ABCC1: variants seen among roughly 807,000 people sequenced by gnomAD.
The protein encoded by ABCC1 is multidrug resistance-associated protein 1.
ABCC1 carries 83 observed loss-of-function variants against 172.9 expected under a neutral mutation model. The observed-to-expected ratio is 0.48, with a 90% confidence interval of 0.40 to 0.58. ABCC1 has a LOEUF of 0.58. ABCC1 is among the 20% of genes least tolerant of loss of function. The pLI, the probability that ABCC1 is intolerant of heterozygous loss-of-function variation, is 0.00. For missense variants in ABCC1, 1,817 were observed against 2,002.7 expected (o/e 0.91, Z 1.77); for synonymous variants, 937 against 825.2 (o/e 1.14, Z -2.32).
At position 16,134,698 on chromosome 16, in the gene ABCC1, G is replaced by A. The variant is rs536729746; in HGVS notation, c.4125+190G>A. ...GTTGCCCAGAGTGGAGTGCGCTGGCGCAATCTCAGCTCACTGCAACCTCCG... is the reference window on the plus strand; with the variant it reads ...GTTGCCCAGAGTGGAGTGCGCTGGCACAATCTCAGCTCACTGCAACCTCCG... On this transcript the variant is annotated intron_variant, in intron 28 of 30. Coordinates refer to ENST00000399410, the MANE Select transcript of ABCC1 (RefSeq NM_004996.4). Among the ~76,000 whole-genome samples, 5 of 134,564 alleles carry A rather than the reference G, an allele frequency of 3.7e-5. No homozygotes were observed. The East Asian group carries it at 7.2e-4, about 19-fold the overall frequency. 88.3% of individuals were successfully genotyped at this position (134,564 alleles called of 152,430 possible). A position where few individuals can be genotyped will look rare whatever the true frequency, so the allele number is the denominator to read the frequency against.
At chr16:15,989,389 C>T (rs8050637) in intron 1 of ABCC1, among the ~76,000 whole-genome samples, 14,251 of 152,156 alleles carry the variant, frequency 0.094, 763 homozygotes, top group Middle Eastern at 0.16. Context: ...CCTGCTGTGT[C>T]GGGGCTGGGA....
chr16:16,143,019 C>T lies in ABCC1; in HGVS notation c.*1738C>T, dbSNP rs954336368. The T allele has an allele frequency of 7.9e-5, 12 of 151,882 alleles. No individual in the cohort carries two copies. Among genetic ancestry groups the T allele is most frequent in the South Asian group, 4.1e-4 (2 of 4,820 alleles). 9.4% of individuals were successfully genotyped at this position (151,882 alleles called of 1,614,324 possible). ...TTTGTAATGACTTACACTGGAAATG[C>T]GAACATTTGCAGTAAAAAAATATAT... On this transcript the variant is annotated 3_prime_UTR_variant, in exon 31 of 31. Transcript: ENST00000399410.
rs45484297 is a variant in ABCC1 at position 16,138,266 on chromosome 16, T to TA, written c.4293-97dup. On this transcript the variant is annotated intron_variant, in intron 29 of 30. Coordinates refer to ENST00000399410, the MANE Select transcript of ABCC1 (RefSeq NM_004996.4). ...GACATGCTTTCCTGGTCAAGCAACATAGAGTGTCTCCTTTCGCTTCTCCCA... is the reference window on the plus strand; with the variant it reads ...GACATGCTTTCCTGGTCAAGCAACATAAGAGTGTCTCCTTTCGCTTCTCCCA... 281 of 1,170,658 alleles carry TA rather than the reference T, an allele frequency of 2.4e-4. 2 individuals are homozygous for TA. In the Admixed American group the frequency reaches 6.8e-3, roughly 28 times the overall value. The allele number at this position is 1,170,658 out of a possible 1,614,324, so 72.5% of individuals were successfully genotyped here.
intron 1 of ABCC1, among the ~76,000 whole-genome samples, chr16:16,006,005 AT>A (rs202225132): frequency 0.03 from 4,524 of 149,808 alleles, 223 homozygotes; most frequent in African/African-American, 0.099. Flanking sequence ...AAAAAAAAAA[AT>A]AAAAATAAAA....
chr16:16,032,311 T>C (rs181603769), intron 5 of ABCC1, among the ~76,000 whole-genome samples: 15 of 152,338 alleles, frequency 9.8e-5, no homozygotes, highest in African/African-American at 3.1e-4. Context: ...ATAATACTTT[T>C]ATTTATCTTG....
chr16:16,038,991 A>G (rs1431482639), intron 7 of ABCC1, among the ~76,000 whole-genome samples: 1 of 152,150 alleles, frequency 6.6e-6, no homozygotes, highest in Non-Finnish European at 1.5e-5. Flanking sequence ...CACTGAGCAG[A>G]TGAAACTGAC....
At chr16:15,956,163 C>T (rs2045993050) in intron 1 of ABCC1, among the ~76,000 whole-genome samples, 2 of 152,084 alleles carry the variant, frequency 1.3e-5, no homozygotes, top group African/African-American at 4.8e-5. Context: ...CACTTGAGGT[C>T]AGGAGTTTGA....
At chr16:16,074,222 G>A (rs2050467211) in intron 14 of ABCC1, among the ~76,000 whole-genome samples, 1 of 152,064 alleles carries the variant, frequency 6.6e-6, no homozygotes, top group South Asian at 2.1e-4. Flanking sequence ...TCCCAATTTT[G>A]GCAACCAAAA....
chr16:16,118,256 C>T (rs769521153), intron 23 of ABCC1, among the ~76,000 whole-genome samples: 3 of 152,072 alleles, frequency 2.0e-5, no homozygotes, highest in South Asian at 2.1e-4. Context: ...TCTCAAACCA[C>T]GCTGCACAGC....
At chr16:16,046,448 G>A (rs982499503) in intron 9 of ABCC1, among the ~76,000 whole-genome samples, 1 of 151,990 alleles carries the variant, frequency 6.6e-6, no homozygotes, top group Non-Finnish European at 1.5e-5. Flanking sequence ...GAGTTCAAGC[G>A]ATTCTTCTGC....
At position 15,961,761 on chromosome 16, in the gene ABCC1, A is replaced by T. The variant is rs145143144; in HGVS notation, c.48+11962A>T. Among the ~76,000 whole-genome samples, 1,387 of 149,888 alleles carry T rather than the reference A, an allele frequency of 9.3e-3. 20 individuals are homozygous for T. Among genetic ancestry groups the T allele is most frequent in the African/African-American group, 0.032 (1,296 of 40,688 alleles). On this transcript the variant is annotated intron_variant, in intron 1 of 30. Transcript: ENST00000399410. ...CCATGCAAATTGAAAGTAAAAGCCA[A>T]TCAAATCAACTTTTTTTTTTTTTTT...
chr16:16,124,146 C>T (rs1251347964), intron 24 of ABCC1, among the ~76,000 whole-genome samples: 1 of 152,126 alleles, frequency 6.6e-6, no homozygotes, highest in Non-Finnish European at 1.5e-5. Context: ...GTACTAGTTA[C>T]GCACTCCCCT....
intron 29 of ABCC1, among the ~76,000 whole-genome samples, chr16:16,137,586 C>G (rs896054030): frequency 9.5e-6 from 1 of 104,760 alleles, no homozygotes; most frequent in Non-Finnish European, 1.7e-5. Context: ...GACGGAGGGT[C>G]TCACTCTATC....
intron 1 of ABCC1, among the ~76,000 whole-genome samples, chr16:15,997,835 A>G: frequency 8.0e-6 from 1 of 125,232 alleles, no homozygotes; most frequent in Admixed American, 8.9e-5. Flanking sequence ...TTTCCCTGAG[A>G]CAGAGTCTCG....
chr16:16,046,992 TC>T lies in ABCC1; in HGVS notation c.1218+980del, dbSNP rs1287663953. On this transcript the variant is annotated intron_variant, in intron 9 of 30. Coordinates refer to ENST00000399410, the MANE Select transcript of ABCC1 (RefSeq NM_004996.4). ...GGGGAATCACTGGAGGCTTGGAAGT[TC>T]AATACCAGCCTGGTCAATATAGCAA... Among the ~76,000 whole-genome samples, 54 of 152,010 alleles carry T rather than the reference TC, an allele frequency of 3.6e-4. 1 individual carries two copies. The highest frequency in any genetic ancestry group is 1.1e-3 in the Admixed American group (17 of 15,272).
Position 16,083,374 on chromosome 16 carries a change from G to C in ABCC1, c.2124G>C (p.Val708=), listed in dbSNP as rs779166901. Residue 708 remains valine, a synonymous_variant, in exon 17 of 31, where the codon GTG becomes GTC. Coordinates refer to ENST00000399410, the MANE Select transcript of ABCC1 (RefSeq NM_004996.4). ...VEGHVAIKGS[V]AYVPQQAWIQ... ...CTCCATTTGCAACTTAGGGCTCCGTGGCCTATGTGCCACAGCAGGCCTGGA... is the reference window on the plus strand; with the variant it reads ...CTCCATTTGCAACTTAGGGCTCCGTCGCCTATGTGCCACAGCAGGCCTGGA... 7 of 1,613,320 alleles carry C rather than the reference G, an allele frequency of 4.3e-6. No homozygotes were observed. The African/African-American group carries it at 6.7e-5, about 15-fold the overall frequency.
At chr16:16,087,064 A>C (rs899654826) in intron 18 of ABCC1, 73 bp downstream of exon 18, 1 of 1,513,708 alleles carries the variant, frequency 6.6e-7, no homozygotes, top group Admixed American at 2.0e-5. Flanking sequence ...TGTCCCCTTT[A>C]GGAGTCCTTT....
chr16:16,026,465 C>T (rs11647533), intron 5 of ABCC1, among the ~76,000 whole-genome samples: 39,640 of 96,074 alleles, frequency 0.41, 9,835 homozygotes, highest in Non-Finnish European at 0.54. Flanking sequence ...AGGCTATTTC[C>T]TTTTTTTTTT....
chr16:16,110,797 C>T (rs567044885), intron 21 of ABCC1, among the ~76,000 whole-genome samples: 4 of 152,196 alleles, frequency 2.6e-5, no homozygotes, highest in Admixed American at 6.5e-5. Context: ...AATTGTGCAC[C>T]GTTTACAGCC....
Sources: allele counts gnomAD v4.1 joint callset (sites outside exome capture counted in the v4.1 genomes callset), GRCh38; gene constraint gnomAD v4.1.1; transcripts MANE v1.5; gene names NCBI Gene and HGNC (gene_info 2026-07-23, HGNC 2026-07-21).